Variants in CUX2 observed in about 807,000 individuals in gnomAD.
CUX2 encodes the protein cut like homeobox 2.
In CUX2, 40 loss-of-function variants were observed where a neutral mutation model predicts 144.8. The observed-to-expected ratio is 0.28, with a 90% CI of 0.21 to 0.36. The LOEUF is 0.36. CUX2 is among the 10% of genes least tolerant of loss of function. The pLI is 1.00. For missense variants in CUX2, 1,615 were observed against 1,994.0 expected (o/e 0.81, Z 3.62); for synonymous variants, 827 against 875.6 (o/e 0.94, Z 0.98).
intron 9 of CUX2, among the ~76,000 whole-genome samples, chr12:111,303,774 T>G (rs1339632514): frequency 6.6e-6 from 1 of 152,112 alleles, no homozygotes; most frequent in East Asian, 1.9e-4. Flanking sequence ...CCAGGTGGCA[T>G]GAGAGTTGGA....
At chr12:111,184,829 C>T (rs1395466563) in intron 1 of CUX2, among the ~76,000 whole-genome samples, 4 of 151,874 alleles carry the variant, frequency 2.6e-5, no homozygotes, top group African/African-American at 7.3e-5. Context: ...TGTGGGAGGC[C>T]GAGGCGGGCA....
rs150669405 is a variant in CUX2 at position 111,254,161 on chromosome 12, G to T, written c.223-9600G>T. On this transcript the variant is annotated intron_variant, in intron 3 of 21. Coordinates refer to ENST00000261726, the MANE Select transcript of CUX2 (RefSeq NM_015267.4). ...GTCAGCAGATGCTGACGGATGCGTG[G>T]GTGCCCTGTGTTCAGAGGTAGGGAT... Among the ~76,000 whole-genome samples the T allele has an allele frequency of 2.1e-3, 325 of 152,300 alleles. 2 individuals carry two copies. Among genetic ancestry groups the T allele is most frequent in the African/African-American group, 7.3e-3 (305 of 41,568 alleles).
intron 10 of CUX2, among the ~76,000 whole-genome samples, chr12:111,305,667 A>G (rs1055990686): frequency 3.3e-5 from 4 of 121,528 alleles, no homozygotes; most frequent in African/African-American, 1.3e-4. Flanking sequence ...CCTGTCTCTG[A>G]AAAAAAAAAT....
chr12:111,159,841 A>G (rs563568012), intron 1 of CUX2, among the ~76,000 whole-genome samples: 3 of 152,326 alleles, frequency 2.0e-5, no homozygotes, highest in Non-Finnish European at 4.4e-5. Context: ...CCTGGCCAAC[A>G]TGGTGAAACC....
chr12:111,136,452 G>C (rs1297764460), intron 1 of CUX2, among the ~76,000 whole-genome samples: 1 of 152,172 alleles, frequency 6.6e-6, no homozygotes, highest in South Asian at 2.1e-4. Flanking sequence ...AGACCCAACA[G>C]GGGCAAGGCC....
chr12:111,261,888 GAGAA>G (rs1241354130), intron 3 of CUX2, among the ~76,000 whole-genome samples: 59 of 152,268 alleles, frequency 3.9e-4, no homozygotes, highest in African/African-American at 1.4e-3. Flanking sequence ...CTGGGCAACA[GAGAA>G]AGACTCTGTC....
chr12:111,041,007 T>A (rs1186050151), intron 1 of CUX2, among the ~76,000 whole-genome samples: 4 of 152,146 alleles, frequency 2.6e-5, no homozygotes, highest in Non-Finnish European at 4.4e-5. Flanking sequence ...TTAAAGTGGA[T>A]CAAACTCAGT....
rs1015069047 is a variant in CUX2 at position 111,255,735 on chromosome 12, T to C, written c.223-8026T>C. The stretch of plus-strand genomic sequence containing the variant: ...GTTAAGCTAATGTGCATCCAGTACA[T>C]AGCACAGTGCCTGGCACAGAGTCAG... On this transcript the variant is annotated intron_variant, in intron 3 of 21. Coordinates refer to ENST00000261726, the MANE Select transcript of CUX2 (RefSeq NM_015267.4). This position sits in a 1 kb window ranked among gnomAD's most constrained non-coding sequence, Gnocchi z 4.1. Among the ~76,000 whole-genome samples the C allele has an allele frequency of 3.9e-5, 6 of 152,190 alleles. No individual in the cohort carries two copies. The highest frequency in any genetic ancestry group is 7.3e-5 in the Non-Finnish European group (5 of 68,036).
At chr12:111,334,352 A>G in intron 18 of CUX2, 89 bp from the exon 19 acceptor site, 3 of 1,423,660 alleles carry the variant, frequency 2.1e-6, no homozygotes, top group Non-Finnish European at 2.8e-6. Context: ...GTGTTTGGCA[A>G]CTCTTGGCTG....
chr12:111,306,767 A>G (rs1053585732), intron 10 of CUX2, among the ~76,000 whole-genome samples, 154 bp from the exon 11 acceptor site: 32 of 152,328 alleles, frequency 2.1e-4, no homozygotes, highest in Admixed American at 5.9e-4. Flanking sequence ...AGTCATAAGT[A>G]TACAACACTT....
intron 1 of CUX2, among the ~76,000 whole-genome samples, chr12:111,193,465 TGGG>T (rs913137350): frequency 6.6e-6 from 1 of 152,186 alleles, no homozygotes. Flanking sequence ...GGATAGCTGT[TGGG>T]GGGGAGAAAA....
chr12:111,175,573 G>C (rs1878798971), intron 1 of CUX2, among the ~76,000 whole-genome samples: 1 of 151,996 alleles, frequency 6.6e-6, no homozygotes, highest in Non-Finnish European at 1.5e-5. Flanking sequence ...TTTGTGGCAG[G>C]CTTGGTCACG....
chr12:111,228,777 G>C (rs1882311926), intron 3 of CUX2, among the ~76,000 whole-genome samples: 2 of 152,112 alleles, frequency 1.3e-5, no homozygotes. Flanking sequence ...CTGTGTGTCA[G>C]CAGACCCGCA....
At chr12:111,205,584 G>A (rs1880874066) in intron 1 of CUX2, among the ~76,000 whole-genome samples, 2 of 152,190 alleles carry the variant, frequency 1.3e-5, no homozygotes, top group South Asian at 4.1e-4. Context: ...TTGAGGGACT[G>A]TGTGCCATTG....
intron 1 of CUX2, among the ~76,000 whole-genome samples, chr12:111,087,457 G>A (rs1229125815): frequency 6.6e-6 from 1 of 151,974 alleles, no homozygotes; most frequent in African/African-American, 2.4e-5. Context: ...CTGCCAGCTG[G>A]TGGCTTCATC....
chr12:111,166,297 C>T (rs896612723), intron 1 of CUX2, among the ~76,000 whole-genome samples: 4 of 152,216 alleles, frequency 2.6e-5, no homozygotes, highest in Admixed American at 2.6e-4. Context: ...ACTGGGATTA[C>T]AGGCGTGAGC....
intron 15 of CUX2, among the ~76,000 whole-genome samples, chr12:111,311,329 C>T (rs147299729): frequency 6.6e-6 from 1 of 152,070 alleles, no homozygotes; most frequent in South Asian, 2.1e-4. Flanking sequence ...ACTCTGTCAC[C>T]CAGGCTGGAG....
intron 4 of CUX2, among the ~76,000 whole-genome samples, chr12:111,288,367 T>A (rs1245154085): frequency 1.3e-5 from 2 of 151,980 alleles, no homozygotes; most frequent in African/African-American, 4.8e-5. Flanking sequence ...GTTGCTACAT[T>A]TATGGTGAGG....
Position 111,334,600 on chromosome 12 carries a change from C to CAGGCAGCCAGGCCCCAGG in CUX2, c.3087_3104dup (p.Ser1031_Gly1036dup). ...TCCTCGTTGAGCGGGAAGATGTACT[C>CAGGCAGCCAGGCCCCAGG]AGGCAGCCAGGCCCCAGGGGGCATC... On this transcript the variant is annotated inframe_insertion, in exon 19 of 22. Coordinates refer to ENST00000261726, the MANE Select transcript of CUX2 (RefSeq NM_015267.4). 1 of 1,614,038 alleles carries CAGGCAGCCAGGCCCCAGG rather than the reference C, an allele frequency of 6.2e-7. No individual in the cohort carries two copies. Among genetic ancestry groups the CAGGCAGCCAGGCCCCAGG allele is most frequent in the Non-Finnish European group, 8.5e-7 (1 of 1,180,028 alleles).
Sources: allele counts gnomAD v4.1 joint callset (sites outside exome capture counted in the v4.1 genomes callset), GRCh38; gene constraint gnomAD v4.1.1; non-coding constraint Gnocchi (gnomAD v3.1); transcripts MANE v1.5; gene names NCBI Gene and HGNC (gene_info 2026-07-23, HGNC 2026-07-21).